ZMIZ1: variants seen among roughly 807,000 people sequenced by gnomAD.
ZMIZ1 encodes zinc finger MIZ domain-containing protein 1.
A neutral mutation model predicts 113.9 loss-of-function variants in ZMIZ1; 17 were observed. The observed-to-expected ratio is 0.15, with a 90% confidence interval of 0.10 to 0.22. The LOEUF (loss-of-function observed/expected upper bound fraction) is 0.22. Ranked by LOEUF, ZMIZ1 falls within the 10% of genes least tolerant of loss-of-function variation. The probability of loss-of-function intolerance (pLI) is 1.00; values close to 1 mark genes in which losing one functional copy is unlikely to be tolerated. For synonymous variants in ZMIZ1, 607 were observed against 603.1 expected (o/e 1.01, Z -0.09); for missense variants, 1,059 against 1,477.8 (o/e 0.72, Z 4.65).
At chr10:79,251,748 G>T (rs563848914) in intron 7 of ZMIZ1, among the ~76,000 whole-genome samples, 3 of 152,348 alleles carry the variant, frequency 2.0e-5, no homozygotes, top group Admixed American at 2.0e-4. Flanking sequence ...GGGACAGCTT[G>T]TGTAACTCTC....
chr10:79,154,894 A>G (rs1845847577), intron 3 of ZMIZ1, among the ~76,000 whole-genome samples: 1 of 152,212 alleles, frequency 6.6e-6, no homozygotes. Context: ...TACACTGGGC[A>G]GCAACCCTGA....
chr10:79,076,244 A>G (rs1482726653), intron 1 of ZMIZ1, among the ~76,000 whole-genome samples: 1 of 152,210 alleles, frequency 6.6e-6, no homozygotes, highest in Non-Finnish European at 1.5e-5. Context: ...CCGCCAGTCC[A>G]TTAGCTCATG....
At chr10:79,218,358 C>CTGTGTG (rs1315357396) in intron 7 of ZMIZ1, among the ~76,000 whole-genome samples, 1 of 151,876 alleles carries the variant, frequency 6.6e-6, no homozygotes, top group African/African-American at 2.4e-5. Flanking sequence ...GCCTGTGGTC[C>CTGTGTG]CAGCTGCTTG....
chr10:79,126,078 C>G lies in ZMIZ1; in HGVS notation c.-227+7054C>G, dbSNP rs985000817. On this transcript the variant is annotated intron_variant, in intron 2 of 24. Transcript: ENST00000334512. Reference sequence around the variant, plus strand: ...GCACGGGAACCCGCAGACCTGGCTCCGTGGAGCCGCATTTGTGTTCTGCCT... The same window carrying G: ...GCACGGGAACCCGCAGACCTGGCTCGGTGGAGCCGCATTTGTGTTCTGCCT... Among the ~76,000 whole-genome samples, 8 of 152,278 alleles carry G rather than the reference C, an allele frequency of 5.3e-5. No homozygotes were observed. In the South Asian group the frequency reaches 1.7e-3, roughly 32 times the overall value.
intron 3 of ZMIZ1, among the ~76,000 whole-genome samples, chr10:79,148,374 T>C (rs1056063128): frequency 8.5e-5 from 13 of 152,050 alleles, no homozygotes; most frequent in Non-Finnish European, 1.9e-4. Context: ...TAGGCGTACT[T>C]CCCCAGGATA....
intron 4 of ZMIZ1, among the ~76,000 whole-genome samples, chr10:79,197,454 A>G (rs2132636668): frequency 6.6e-6 from 1 of 152,040 alleles, no homozygotes; most frequent in East Asian, 1.9e-4. Context: ...TTTGTCCCTG[A>G]CCCCAGGAGC....
intron 10 of ZMIZ1, 105 bp from the exon 11 acceptor site, chr10:79,292,053 A>G: frequency 8.8e-7 from 1 of 1,137,198 alleles, no homozygotes; most frequent in South Asian, 1.4e-5. Flanking sequence ...CGTCCCCTCT[A>G]GGTTCTGGGT....
intron 4 of ZMIZ1, among the ~76,000 whole-genome samples, chr10:79,188,107 A>T (rs1237091462): frequency 1.3e-5 from 2 of 152,252 alleles, no homozygotes; most frequent in African/African-American, 4.8e-5. Flanking sequence ...TGCCTGACGT[A>T]GTACATAATG....
At chr10:79,101,800 A>G (rs889236484) in intron 1 of ZMIZ1, among the ~76,000 whole-genome samples, 1 of 152,080 alleles carries the variant, frequency 6.6e-6, no homozygotes, top group African/African-American at 2.4e-5. Flanking sequence ...TGTTTCTCAC[A>G]CTGTCCCCGA....
At chr10:79,266,145 A>T (rs2131925675) in intron 7 of ZMIZ1, among the ~76,000 whole-genome samples, 1 of 152,332 alleles carries the variant, frequency 6.6e-6, no homozygotes, top group Non-Finnish European at 1.5e-5. Flanking sequence ...CCTGTCTTTT[A>T]CATGTGGCCA....
chr10:79,228,208 T>C (rs1448983727), intron 7 of ZMIZ1, among the ~76,000 whole-genome samples: 2 of 152,272 alleles, frequency 1.3e-5, no homozygotes, highest in Non-Finnish European at 2.9e-5. Flanking sequence ...GGGTATTTTA[T>C]GATCCTCATG....
intron 7 of ZMIZ1, among the ~76,000 whole-genome samples, chr10:79,218,107 T>C (rs1848811837): frequency 6.6e-6 from 1 of 152,134 alleles, no homozygotes; most frequent in African/African-American, 2.4e-5. Flanking sequence ...CAGGGGCTTT[T>C]GGGGGCTCTG....
Position 79,314,424 on chromosome 10 carries a change from T to C in ZMIZ1, c.*1675T>C. The C allele has an allele frequency of 2.8e-6, 1 of 358,460 alleles. No individual in the cohort carries two copies. Among genetic ancestry groups the C allele is most frequent in the Admixed American group, 3.7e-5 (1 of 27,348 alleles). 22.2% of individuals were successfully genotyped at this position (358,460 alleles called of 1,614,324 possible). ...CCCAGCTGTTGACTTCCAGTCACTG[T>C]CCCAGACGGCACAAGGTTTTCTGTA... is the stretch of plus-strand genomic sequence containing the variant. On this transcript the variant is annotated 3_prime_UTR_variant, in exon 25 of 25. Coordinates refer to ENST00000334512, the MANE Select transcript of ZMIZ1 (RefSeq NM_020338.4).
chr10:79,123,389 T>G (rs891118747), intron 2 of ZMIZ1, among the ~76,000 whole-genome samples: 2 of 152,070 alleles, frequency 1.3e-5, no homozygotes, highest in Non-Finnish European at 2.9e-5. Flanking sequence ...ATCCCTCTAG[T>G]TGGGAGGGAT....
intron 7 of ZMIZ1, among the ~76,000 whole-genome samples, chr10:79,253,319 C>T (rs567931740): frequency 6.6e-6 from 1 of 152,106 alleles, no homozygotes; most frequent in Non-Finnish European, 1.5e-5. Flanking sequence ...GGGTAGTGTA[C>T]TTGTGAGTTT....
At chr10:79,208,217 C>T (rs1848409986) in intron 5 of ZMIZ1, 119 bp from the exon 6 acceptor site, 1 of 762,762 alleles carries the variant, frequency 1.3e-6, no homozygotes, top group Non-Finnish European at 2.2e-6. Flanking sequence ...TACCCCTTTA[C>T]CCCTTTCTGT....
chr10:79,073,404 G>A (rs1842360438), intron 1 of ZMIZ1, among the ~76,000 whole-genome samples: 1 of 152,254 alleles, frequency 6.6e-6, no homozygotes, highest in African/African-American at 2.4e-5. Flanking sequence ...TTCCCTGGCA[G>A]CTGATTGTCC....
At chr10:79,292,731 G>A (rs923534601) in intron 11 of ZMIZ1, 6 of 472,220 alleles carry the variant, frequency 1.3e-5, no homozygotes, top group African/African-American at 1.2e-4. Flanking sequence ...CTCCTGGATT[G>A]CCTCTGAGAC....
intron 2 of ZMIZ1, among the ~76,000 whole-genome samples, chr10:79,129,854 G>A (rs949415502): frequency 4.6e-5 from 7 of 152,232 alleles, no homozygotes; most frequent in Non-Finnish European, 1.0e-4. Flanking sequence ...TGCTGACAAA[G>A]GAGAAAGGTC....
Sources: allele counts gnomAD v4.1 joint callset (sites outside exome capture counted in the v4.1 genomes callset), GRCh38; gene constraint gnomAD v4.1.1; transcripts MANE v1.5; gene names NCBI Gene and HGNC (gene_info 2026-07-23, HGNC 2026-07-21).